STPG2: variants seen among roughly 807,000 people sequenced by gnomAD.
STPG2 encodes the protein sperm tail PG-rich repeat containing 2.
Under a neutral mutation model 54.2 loss-of-function variants are expected in STPG2, and 56 were observed. The ratio of observed to expected loss-of-function variants is 1.03; its 90% CI spans 0.83 to 1.29. The LOEUF is 1.29. Ranked by LOEUF, STPG2 falls within the 50% of genes most tolerant of loss-of-function variation. STPG2 has a pLI of 0.00. For synonymous variants in STPG2, 200 were observed against 181.8 expected (o/e 1.10, Z -0.81); for missense variants, 596 against 544.9 (o/e 1.09, Z -0.93).
chr4:97,907,102 G>C (rs1731460873), intron 8 of STPG2, among the ~76,000 whole-genome samples: 1 of 152,082 alleles, frequency 6.6e-6, no homozygotes, highest in Non-Finnish European at 1.5e-5. Context: ...CGACATGATT[G>C]TATATCTAGG....
intron 9 of STPG2, among the ~76,000 whole-genome samples, chr4:97,804,502 A>G (rs917158178): frequency 6.6e-6 from 1 of 152,226 alleles, no homozygotes. Flanking sequence ...ATAAGGATAT[A>G]AAGAAAATAT....
chr4:97,540,976 A>G (rs1205989596), intron 4 of STPG2, among the ~76,000 whole-genome samples: 2 of 152,190 alleles, frequency 1.3e-5, no homozygotes, highest in Non-Finnish European at 2.9e-5. Flanking sequence ...ATTTCAAAAT[A>G]ATAAGAGGTA....
At chr4:97,559,209 G>A (rs188672070) in intron 10 of STPG2, 92 bp from the exon 11 acceptor site, 12,479 of 800,580 alleles carry the variant, frequency 0.016, 167 homozygotes, top group Middle Eastern at 0.034. Flanking sequence ...AAAGAATAAC[G>A]ATTCTTACAA....
At chr4:97,952,501 C>A (rs1267277414) in intron 7 of STPG2, among the ~76,000 whole-genome samples, 1 of 152,156 alleles carries the variant, frequency 6.6e-6, no homozygotes, top group Admixed American at 6.5e-5. Context: ...CGCCTAGGAC[C>A]AGGAGTCCCT....
intron 8 of STPG2, among the ~76,000 whole-genome samples, chr4:97,929,504 G>T (rs1732461224): frequency 6.6e-6 from 1 of 152,076 alleles, no homozygotes; most frequent in Non-Finnish European, 1.5e-5. Flanking sequence ...CACTCTACAA[G>T]CATTCTTTTT....
intron 9 of STPG2, among the ~76,000 whole-genome samples, chr4:97,774,410 C>A (rs1038264767): frequency 6.6e-6 from 1 of 152,136 alleles, no homozygotes; most frequent in African/African-American, 2.4e-5. Flanking sequence ...CCTCATCACT[C>A]CTCCTCCTCA....
chr4:97,847,786 T>C (rs17027012), intron 8 of STPG2, among the ~76,000 whole-genome samples: 24,521 of 152,106 alleles, frequency 0.16, 2,148 homozygotes, highest in East Asian at 0.36. Flanking sequence ...TTACAAAAAT[T>C]CTTTATTTAG....
chr4:97,597,187 A>C (rs558562436), intron 10 of STPG2, among the ~76,000 whole-genome samples: 2 of 152,134 alleles, frequency 1.3e-5, no homozygotes, highest in African/African-American at 2.4e-5. Context: ...GTACACATTC[A>C]ACCTCCTGAG....
intron 8 of STPG2, among the ~76,000 whole-genome samples, chr4:97,938,151 G>A (rs1028691949): frequency 1.2e-4 from 18 of 152,148 alleles, no homozygotes; most frequent in Admixed American, 2.6e-4. Flanking sequence ...TCTGGCCTAC[G>A]AAGGCAGCCT....
intron 8 of STPG2, among the ~76,000 whole-genome samples, chr4:97,865,979 A>G (rs1729757268): frequency 6.6e-6 from 1 of 152,044 alleles, no homozygotes; most frequent in African/African-American, 2.4e-5. Context: ...GTTAAATGAT[A>G]GAAGCCAGGC....
rs138669772 is a variant in STPG2 at position 97,443,060 on chromosome 4, T to C, written c.463-255227A>G. On this transcript the variant is annotated intron_variant, in intron 4 of 4. Coordinates refer to the STPG2 transcript ENST00000522676. ...CAGTCCATGCAACAAATAAAATCTA[T>C]AGAATTTATTTCGGCTTAAACCTAT... Among the ~76,000 whole-genome samples, 638 of 152,226 alleles carry C rather than the reference T, an allele frequency of 4.2e-3. 3 individuals are homozygous for C. The highest frequency in any genetic ancestry group is 0.02 in the South Asian group (96 of 4,822).
intron 4 of STPG2, among the ~76,000 whole-genome samples, chr4:97,465,654 T>A (rs997300958): frequency 6.6e-6 from 1 of 152,118 alleles, no homozygotes; most frequent in Non-Finnish European, 1.5e-5. Flanking sequence ...TAAAATGGCA[T>A]CATATGAGCA....
At chr4:97,584,836 AC>A (rs991300606) in intron 10 of STPG2, among the ~76,000 whole-genome samples, 1 of 151,868 alleles carries the variant, frequency 6.6e-6, no homozygotes, top group African/African-American at 2.4e-5. Context: ...CTCTGAACAG[AC>A]CAATAACAGG....
intron 10 of STPG2, among the ~76,000 whole-genome samples, chr4:97,681,793 T>C (rs1484273555): frequency 6.6e-6 from 1 of 151,776 alleles, no homozygotes; most frequent in Non-Finnish European, 1.5e-5. Flanking sequence ...ATTTAATGTA[T>C]TTTTATGTCC....
intron 10 of STPG2, among the ~76,000 whole-genome samples, chr4:97,673,957 T>G (rs1485748564): frequency 6.6e-6 from 1 of 152,216 alleles, no homozygotes; most frequent in South Asian, 2.1e-4. Context: ...ATCACAAATT[T>G]ACTTAAAATG....
intron 5 of STPG2, among the ~76,000 whole-genome samples, chr4:98,033,672 C>T (rs530801076): frequency 6.6e-6 from 1 of 152,264 alleles, no homozygotes; most frequent in Non-Finnish European, 1.5e-5. Context: ...AGGCCAATAT[C>T]CCTGATGAAC....
intron 10 of STPG2, among the ~76,000 whole-genome samples, chr4:97,659,249 G>C (rs767101838): frequency 5.3e-5 from 8 of 152,104 alleles, no homozygotes; most frequent in Admixed American, 1.3e-4. Context: ...AAATCCATTA[G>C]CCATTTATAT....
chr4:97,725,024 G>C (rs1284238524), intron 9 of STPG2, among the ~76,000 whole-genome samples: 1 of 152,002 alleles, frequency 6.6e-6, no homozygotes, highest in African/African-American at 2.4e-5. Flanking sequence ...TTTGCTTTTA[G>C]GTGACTAGGC....
chr4:97,497,983 C>G (rs1400551204), intron 4 of STPG2, among the ~76,000 whole-genome samples: 1 of 151,842 alleles, frequency 6.6e-6, no homozygotes, highest in African/African-American at 2.4e-5. Context: ...GTTCCCCTGA[C>G]TGTGTGCAGG....
Sources: allele counts gnomAD v4.1 joint callset (sites outside exome capture counted in the v4.1 genomes callset), GRCh38; gene constraint gnomAD v4.1.1; transcripts MANE v1.5; gene names NCBI Gene and HGNC (gene_info 2026-07-23, HGNC 2026-07-21).